The following USO1 variants were observed in gnomAD, a reference collection of about 807,000 sequenced individuals.
USO1 encodes general vesicular transport factor p115.
Under a neutral mutation model 124.5 loss-of-function variants are expected in USO1, and 57 were observed. The ratio of observed to expected loss-of-function variants is 0.46; its 90% CI spans 0.37 to 0.57. The LOEUF is 0.57. Among genes scored for constraint, USO1 ranks in the 20% least tolerant of loss-of-function variants. USO1 has a pLI of 0.00. For missense variants in USO1, 900 were observed against 1,040.6 expected (o/e 0.86, Z 1.86); for synonymous variants, 369 against 362.8 (o/e 1.02, Z -0.19).
chr4:75,749,306 C>G (rs767837200), intron 1 of USO1, among the ~76,000 whole-genome samples: 3 of 152,020 alleles, frequency 2.0e-5, no homozygotes, highest in Non-Finnish European at 4.4e-5. Context: ...TGTATTTGAA[C>G]ACCATTAATT....
chr4:75,803,636 C>T (rs1276540940), intron 17 of USO1, among the ~76,000 whole-genome samples: 7 of 146,062 alleles, frequency 4.8e-5, no homozygotes, highest in East Asian at 4.0e-4. Context: ...GCGATAAGAG[C>T]GAAACTCCGT....
At chr4:75,792,552 C>T (rs1169595032) in intron 12 of USO1, among the ~76,000 whole-genome samples, 1 of 151,764 alleles carries the variant, frequency 6.6e-6, no homozygotes, top group Admixed American at 6.6e-5. Flanking sequence ...AAAATACTAG[C>T]CAGGCATGGT....
intron 20 of USO1, among the ~76,000 whole-genome samples, chr4:75,808,095 A>G (rs1723045291): frequency 6.6e-6 from 1 of 152,226 alleles, no homozygotes; most frequent in South Asian, 2.1e-4. Flanking sequence ...TCCAGACATT[A>G]CCAAATGTCC....
At chr4:75,790,532 A>G in intron 11 of USO1, 111 bp from the exon 12 acceptor site, 3 of 1,436,558 alleles carry the variant, frequency 2.1e-6, no homozygotes, top group Non-Finnish European at 2.8e-6. Flanking sequence ...GAAATACTTA[A>G]CTTGCTGGTG....
chr4:75,782,769 A>T lies in USO1; in HGVS notation c.766A>T (p.Ile256Phe). ...AAATTTTTTTAAAGAAGGCTCATAT[A>T]TTCAACGTATGAAACCTTGGTTTGA... Reference protein sequence around the residue: ...NQNFFKEGSYIQRMKPWFEVG... With the variant: ...NQNFFKEGSYFQRMKPWFEVG... Residue 256 changes from isoleucine to phenylalanine, a missense_variant, in exon 9 of 24, where the codon ATT becomes TTT. Coordinates refer to ENST00000514213, the MANE Select transcript of USO1 (RefSeq NM_003715.4). The T allele has an allele frequency of 6.3e-7, 1 of 1,597,994 alleles. No individual in the cohort carries two copies. Among genetic ancestry groups the T allele is most frequent in the Non-Finnish European group, 8.5e-7 (1 of 1,174,190 alleles).
intron 3 of USO1, 110 bp from the exon 4 acceptor site, chr4:75,757,387 A>C: frequency 2.0e-6 from 2 of 989,156 alleles, no homozygotes; most frequent in South Asian, 4.2e-5. Context: ...ATTTTCTTAG[A>C]GTATGCCTTT....
Position 75,775,328 on chromosome 4 carries a change from C to T in USO1, c.676+532C>T, listed in dbSNP as rs1295832301. 6.6e-5 allele frequency among the ~76,000 whole-genome samples: 10 copies of T among 152,212 alleles called. No homozygotes were observed. The East Asian group carries it at 1.9e-3, about 29-fold the overall frequency. ...CTGAAGTGGGTGGATCACTTTAGGC[C>T]AGGAGTTCGAGACCAGTCGGGCCAA... On this transcript the variant is annotated intron_variant, in intron 8 of 23. Transcript: ENST00000514213.
In USO1 at chr4:75,795,347, C is replaced by G. The variant is rs1257204237; in HGVS notation, c.1452+1446C>G. 4.3e-6 allele frequency: 3 copies of G among 702,104 alleles called. No individual in the cohort carries two copies. In the South Asian group the frequency reaches 4.4e-5, roughly 10 times the overall value. 43.5% of individuals were successfully genotyped at this position (702,104 alleles called of 1,614,324 possible). A position where few individuals can be genotyped will look rare whatever the true frequency, so the allele number is the denominator to read the frequency against. ...TGTATAATTTGCAGGGTGATAAGATCGACAGACGGGTATGTATCACTTGAT... is the reference window on the plus strand; with the variant it reads ...TGTATAATTTGCAGGGTGATAAGATGGACAGACGGGTATGTATCACTTGAT... On this transcript the variant is annotated intron_variant, in intron 13 of 23. Transcript: ENST00000514213.
intron 4 of USO1, among the ~76,000 whole-genome samples, chr4:75,760,787 G>C (rs1160271752): frequency 6.6e-6 from 1 of 152,126 alleles, no homozygotes. Flanking sequence ...TATTATTTCT[G>C]CAGCTACTAA....
chr4:75,764,732 T>A (rs1426253922), intron 4 of USO1, among the ~76,000 whole-genome samples: 1 of 152,220 alleles, frequency 6.6e-6, no homozygotes, highest in Non-Finnish European at 1.5e-5. Flanking sequence ...AAGGGCATTG[T>A]CTATCTTGTA....
rs111347911 is a variant in USO1 at position 75,740,913 on chromosome 4, A to G, written c.67-11460A>G. On this transcript the variant is annotated intron_variant, in intron 1 of 23. Transcript: ENST00000514213. ...TAAAGTTTGGTGTACATCCTTCTACAGTGTTGTCTTTTGTATTTACCAATA... is the reference window on the plus strand; with the variant it reads ...TAAAGTTTGGTGTACATCCTTCTACGGTGTTGTCTTTTGTATTTACCAATA... Among the ~76,000 whole-genome samples the G allele has an allele frequency of 2.1e-3, 323 of 152,300 alleles. 1 individual carries two copies. In the Middle Eastern group the frequency reaches 0.031, roughly 14 times the overall value.
intron 7 of USO1, 142 bp from the exon 8 acceptor site, chr4:75,774,534 G>C (rs1419871415): frequency 1.0e-6 from 1 of 971,696 alleles, no homozygotes; most frequent in Non-Finnish European, 1.5e-6. Flanking sequence ...TAACTATTCT[G>C]TTCTTGTTTT....
chr4:75,752,368 G>T lies in USO1; in HGVS notation c.67-5G>T. ...TTTTAATGCCATTTTATTTTTTCAT[G>T]ACAGATTCAAAAGCTTTGTGACAGA... On this transcript the variant is annotated splice_polypyrimidine_tract_variant and splice_region_variant and intron_variant, in intron 1 of 23. Transcript: ENST00000514213. 2.5e-6 allele frequency: 1 copy of T among 397,528 alleles called. No homozygotes were observed. Among genetic ancestry groups the T allele is most frequent in the South Asian group, 1.3e-4 (1 of 7,804 alleles). 24.6% of individuals were successfully genotyped at this position (397,528 alleles called of 1,614,324 possible).
intron 1 of USO1, among the ~76,000 whole-genome samples, chr4:75,740,186 G>C (rs943131745): frequency 6.6e-6 from 1 of 152,132 alleles, no homozygotes; most frequent in Non-Finnish European, 1.5e-5. Flanking sequence ...TTTTAAAAAG[G>C]TGTCTTTAAA....
At chr4:75,739,534 T>TTTCC (rs1720894852) in intron 1 of USO1, among the ~76,000 whole-genome samples, 1 of 126,828 alleles carries the variant, frequency 7.9e-6, no homozygotes, top group Admixed American at 9.2e-5. Flanking sequence ...TATTTTATCT[T>TTTCC]TTTCTTTTTT....
At chr4:75,790,578 A>G in intron 11 of USO1, 65 bp from the exon 12 acceptor site, 1 of 1,533,302 alleles carries the variant, frequency 6.5e-7, no homozygotes, top group Non-Finnish European at 8.7e-7. Flanking sequence ...AAAAATGACT[A>G]GTTATTGACT....
In USO1 at chr4:75,770,768, T is replaced by C. The variant is rs1721904849; in HGVS notation, c.397-54T>C. 9 of 1,574,886 alleles carry C rather than the reference T, an allele frequency of 5.7e-6. No individual in the cohort carries two copies. The African/African-American group carries it at 1.1e-4, about 19-fold the overall frequency. On this transcript the variant is annotated intron_variant, in intron 5 of 23. Coordinates refer to ENST00000514213, the MANE Select transcript of USO1 (RefSeq NM_003715.4). ...AAAAGTTATTAGTGGAAAAAATGTT[T>C]TTCTCGAAAATGTGAATTACAGATG...
chr4:75,792,772 TATTC>T (rs1434362502), intron 12 of USO1, among the ~76,000 whole-genome samples: 1 of 152,154 alleles, frequency 6.6e-6, no homozygotes, highest in Admixed American at 6.5e-5. Context: ...TGGTATATCT[TATTC>T]ATTCTTTCTA....
At chr4:75,728,585 G>A (rs1420815713) in intron 1 of USO1, among the ~76,000 whole-genome samples, 1 of 152,148 alleles carries the variant, frequency 6.6e-6, no homozygotes, top group Admixed American at 6.5e-5. Context: ...TTGGCAGTGA[G>A]CAACCACTGA....
Sources: allele counts gnomAD v4.1 joint callset (sites outside exome capture counted in the v4.1 genomes callset), GRCh38; gene constraint gnomAD v4.1.1; transcripts MANE v1.5; gene names NCBI Gene and HGNC (gene_info 2026-07-23, HGNC 2026-07-21).